Variants in MED6 observed in about 807,000 individuals in gnomAD.
MED6 encodes the protein mediator of RNA polymerase II transcription subunit 6.
Under a neutral mutation model 37.5 loss-of-function variants are expected in MED6, and 33 were observed. The ratio of observed to expected loss-of-function variants is 0.88; its 90% CI spans 0.67 to 1.18. The LOEUF is 1.18. Among genes scored for constraint, MED6 ranks in the 50% most tolerant of loss-of-function variants. The probability of loss-of-function intolerance (pLI) is 0.00; values close to 1 mark genes in which losing one functional copy is unlikely to be tolerated. For missense variants in MED6, 235 were observed against 290.6 expected (o/e 0.81, Z 1.39); for synonymous variants, 94 against 93.6 (o/e 1.00, Z -0.02).
chr14:70,585,076 C>A, intron 7 of MED6, 133 bp from the exon 8 acceptor site: 1 of 1,074,736 alleles, frequency 9.3e-7, no homozygotes, highest in Non-Finnish European at 1.3e-6. Flanking sequence ...TAGCTGTTTC[C>A]CCAGGCAGAT....
chr14:70,593,249 C>G (rs1352845768), intron 4 of MED6, 47 bp downstream of exon 4: 1 of 1,492,378 alleles, frequency 6.7e-7, no homozygotes, highest in South Asian at 1.1e-5. Context: ...AGCAAGGTAG[C>G]TAATTAAAAG....
intron 2 of MED6, among the ~76,000 whole-genome samples, chr14:70,596,927 A>G (rs1885065775): frequency 6.6e-6 from 1 of 152,234 alleles, no homozygotes; most frequent in Non-Finnish European, 1.5e-5. Flanking sequence ...TCTCTACAAC[A>G]ATGTATTATA....
Position 70,593,305 on chromosome 14 carries a change from G to A in MED6, c.348C>T (p.Asn116=), listed in dbSNP as rs1884939963. Residue 116 remains asparagine, a synonymous_variant, in exon 4 of 8, where the codon AAC becomes AAT. Coordinates refer to ENST00000256379, the MANE Select transcript of MED6 (RefSeq NM_005466.4). ...ATGTGAAGACACTTACCACTCTAGA[G>A]TTTATAACTGATCCCAAGTCTGGTG... ...YQAPDLGSVI[N]SRVLTAVHGI... The A allele has an allele frequency of 2.5e-6, 4 of 1,613,134 alleles. No homozygotes were observed. The highest frequency in any genetic ancestry group is 1.3e-5 in the African/African-American group (1 of 74,890).
Position 70,597,655 on chromosome 14 carries a change from C to T in MED6, c.145G>A (p.Val49Met), listed in dbSNP as rs762366873. 1.3e-6 allele frequency: 2 copies of T among 1,545,168 alleles called. No individual in the cohort carries two copies. The highest frequency in any genetic ancestry group is 8.7e-7 in the Non-Finnish European group (1 of 1,153,246). ...AATGTTAGCCTCTGCATTTTGACCA[C>T]TTCATTATTACATGTTCTGTCATAA... is the stretch of plus-strand genomic sequence containing the variant. ...PFYDRTCNNE[V>M]VKMQRLTLEH... The change falls in exon 2 of 8, where the codon GTG becomes ATG. Residue 49 changes from valine (V) to methionine (M), a missense_variant. By Grantham distance (21) the Val-to-Met change is conservative (BLOSUM62 1). Coordinates refer to ENST00000256379, the MANE Select transcript of MED6 (RefSeq NM_005466.4).
At chr14:70,598,410 G>A (rs1885108003) in intron 1 of MED6, among the ~76,000 whole-genome samples, 1 of 152,164 alleles carries the variant, frequency 6.6e-6, no homozygotes, top group Non-Finnish European at 1.5e-5. Flanking sequence ...AAGAGGCGGA[G>A]GTTGCAGTGA....
intron 5 of MED6, among the ~76,000 whole-genome samples, chr14:70,592,137 G>C (rs1196267078): frequency 6.6e-6 from 1 of 152,242 alleles, no homozygotes; most frequent in Non-Finnish European, 1.5e-5. Context: ...GTTTCCCTCA[G>C]TAATTTATTC....
intron 3 of MED6, among the ~76,000 whole-genome samples, chr14:70,596,012 G>C (rs1374822535): frequency 6.6e-6 from 1 of 152,178 alleles, no homozygotes; most frequent in Non-Finnish European, 1.5e-5. Context: ...GTTGTCCTTG[G>C]GCATGCTCCA....
chr14:70,594,208 T>C (rs2139599117), intron 3 of MED6, among the ~76,000 whole-genome samples: 1 of 152,316 alleles, frequency 6.6e-6, no homozygotes, highest in Admixed American at 6.5e-5. Flanking sequence ...GAATCTTCTC[T>C]TCAGTATGAC....
At chr14:70,595,763 A>G (rs1885026573) in intron 3 of MED6, 2 of 710,452 alleles carry the variant, frequency 2.8e-6, no homozygotes, top group Non-Finnish European at 5.1e-6. Context: ...AAAAGACCCC[A>G]CCCGCCAGGT....
Position 70,584,077 on chromosome 14 carries a change from C to T in MED6, c.*736G>A. ...ATTGGTGAGTGAGGTTTTTCCTTTTCTTCATCTTCCAAAATGTCAGCAACT... is the reference window on the plus strand; with the variant it reads ...ATTGGTGAGTGAGGTTTTTCCTTTTTTTCATCTTCCAAAATGTCAGCAACT... On this transcript the variant is annotated 3_prime_UTR_variant, in exon 8 of 8. Coordinates refer to ENST00000256379, the MANE Select transcript of MED6 (RefSeq NM_005466.4). 1 of 630,622 alleles carries T rather than the reference C, an allele frequency of 1.6e-6. No individual in the cohort carries two copies. Among genetic ancestry groups the T allele is most frequent in the East Asian group, 2.6e-5 (1 of 38,756 alleles). The allele number at this position is 630,622 out of a possible 1,614,324, so 39.1% of individuals were successfully genotyped here. A position where few individuals can be genotyped will look rare whatever the true frequency, so the allele number is the denominator to read the frequency against.
intron 4 of MED6, 31 bp from the exon 5 acceptor site, chr14:70,593,019 T>C (rs766867566): frequency 1.6e-5 from 26 of 1,610,964 alleles, no homozygotes; most frequent in Admixed American, 1.7e-5. Flanking sequence ...TCTAAATTTA[T>C]CATTAGGTCG....
chr14:70,595,042 G>T, intron 3 of MED6: 8 of 562,438 alleles, frequency 1.4e-5, no homozygotes, highest in South Asian at 1.1e-4. Flanking sequence ...TCTTGCTGCT[G>T]ATAGAGTCAA....
intron 6 of MED6, among the ~76,000 whole-genome samples, chr14:70,588,247 A>G (rs1031849276): frequency 4.6e-5 from 7 of 152,202 alleles, no homozygotes; most frequent in Admixed American, 2.0e-4. Flanking sequence ...GATATACTCT[A>G]TCTTTGGGAG....
At chr14:70,598,485 G>A (rs1474918175) in intron 1 of MED6, among the ~76,000 whole-genome samples, 2 of 151,820 alleles carry the variant, frequency 1.3e-5, no homozygotes, top group African/African-American at 4.8e-5. Context: ...AAAAAAAAAA[G>A]ACATGAAGAA....
At chr14:70,585,454 A>C (rs56922268) in intron 7 of MED6, among the ~76,000 whole-genome samples, 16,513 of 152,178 alleles carry the variant, frequency 0.11, 1,347 homozygotes, top group East Asian at 0.49. Context: ...AGACTCTAGA[A>C]CAAGACTGTT....
Position 70,600,648 on chromosome 14 carries a change from G to C in MED6, c.-11C>G, listed in dbSNP as rs1384303551. 6.2e-7 allele frequency: 1 copy of C among 1,613,234 alleles called. No individual in the cohort carries two copies. The highest frequency in any genetic ancestry group is 1.1e-5 in the South Asian group (1 of 90,972). On this transcript the variant is annotated 5_prime_UTR_variant, in exon 1 of 8. Transcript: ENST00000256379. ...ATCCACCGCCGCCATAATTCCGAGA[G>C]CGTTTACAGGTTCTCTTTCCGGCGC...
intron 6 of MED6, among the ~76,000 whole-genome samples, chr14:70,586,291 T>C (rs1303790684): frequency 1.3e-5 from 2 of 152,028 alleles, no homozygotes; most frequent in East Asian, 1.9e-4. Flanking sequence ...AACCAATCTA[T>C]AGGAAAAAAA....
At chr14:70,588,407 C>T (rs190489212) in intron 6 of MED6, among the ~76,000 whole-genome samples, 28 of 152,074 alleles carry the variant, frequency 1.8e-4, no homozygotes, top group Admixed American at 1.7e-3. Flanking sequence ...TGGGAGGGGC[C>T]GGGCGCGGTG....
intron 1 of MED6, among the ~76,000 whole-genome samples, chr14:70,599,503 A>T (rs964477759): frequency 6.6e-6 from 1 of 152,076 alleles, no homozygotes; most frequent in Non-Finnish European, 1.5e-5. Flanking sequence ...TCTGATGGAA[A>T]CCCCTCCAAT....
Sources: allele counts gnomAD v4.1 joint callset (sites outside exome capture counted in the v4.1 genomes callset), GRCh38; gene constraint gnomAD v4.1.1; transcripts MANE v1.5; gene names NCBI Gene and HGNC (gene_info 2026-07-23, HGNC 2026-07-21).